HECTD4: variants seen among roughly 807,000 people sequenced by gnomAD.
HECTD4 encodes probable E3 ubiquitin-protein ligase HECTD4.
In HECTD4, 114 loss-of-function variants were observed where a neutral mutation model predicts 471.5. That is an observed-to-expected ratio of 0.24 (90% CI 0.21 to 0.28). HECTD4 has a LOEUF of 0.28. HECTD4 is among the 10% of genes least tolerant of loss of function. The probability of loss-of-function intolerance (pLI) is 1.00; values close to 1 mark genes in which losing one functional copy is unlikely to be tolerated. For missense variants in HECTD4, 3,866 were observed against 5,651.5 expected (o/e 0.68, Z 10.13); for synonymous variants, 2,012 against 2,256.0 (o/e 0.89, Z 3.07).
chr12:112,269,903 T>C, intron 12 of HECTD4, 54 bp from the exon 13 acceptor site: 1 of 1,492,732 alleles, frequency 6.7e-7, no homozygotes, highest in Non-Finnish European at 9.3e-7. Flanking sequence ...GGGGATAAAA[T>C]TATCTCTACA....
At chr12:112,301,355 TG>T (rs1343855912) in intron 7 of HECTD4, among the ~76,000 whole-genome samples, 1 of 151,810 alleles carries the variant, frequency 6.6e-6, no homozygotes, top group Non-Finnish European at 1.5e-5. Context: ...AGCTAATTTT[TG>T]TATTTTTAGT....
intron 48 of HECTD4, among the ~76,000 whole-genome samples, chr12:112,215,106 T>C (rs914019142): frequency 6.6e-6 from 1 of 151,968 alleles, no homozygotes; most frequent in East Asian, 1.9e-4. Flanking sequence ...TGAGTTGAGA[T>C]TGCACCACTG....
Position 112,179,016 on chromosome 12 carries a change from C to G in HECTD4, c.11278G>C (p.Glu3760Gln). 2 of 1,613,804 alleles carry G rather than the reference C, an allele frequency of 1.2e-6. No individual in the cohort carries two copies. The highest frequency in any genetic ancestry group is 8.5e-7 in the Non-Finnish European group (1 of 1,179,864). Residue 3760 changes from glutamate (E) to glutamine (Q), a missense_variant, in exon 64 of 76, where the codon GAG becomes CAG. Glu to Gln is a conservative substitution (Grantham distance 29, BLOSUM62 2). Coordinates refer to ENST00000682272, the MANE Select transcript of HECTD4 (RefSeq NM_001388303.1). This position sits in a 1 kb window ranked among gnomAD's most constrained non-coding sequence, Gnocchi z 4.3. ...CTCACCACCTTCACGGGGTGCTGCT[C>G]CTTCCCGGCCTTGCTGTACTTGCTC... ...DKSKYSKAGK[E>Q]QHPVKVVSTK...
At chr12:112,270,533 T>TA in intron 11 of HECTD4, 74 bp from the exon 12 acceptor site, 3 of 1,211,182 alleles carry the variant, frequency 2.5e-6, no homozygotes, top group East Asian at 2.3e-5. Flanking sequence ...ACCTTTGACT[T>TA]ACAAAAGGTG....
intron 1 of HECTD4, among the ~76,000 whole-genome samples, chr12:112,368,529 AG>A (rs1249731599): frequency 6.6e-6 from 1 of 152,236 alleles, no homozygotes; most frequent in Non-Finnish European, 1.5e-5. Context: ...AAGAAACAGC[AG>A]AAGACAATTA....
At chr12:112,353,290 A>G (rs1184662439) in intron 1 of HECTD4, among the ~76,000 whole-genome samples, 1 of 152,204 alleles carries the variant, frequency 6.6e-6, no homozygotes, top group Non-Finnish European at 1.5e-5. Flanking sequence ...ATTCTTTCTA[A>G]GTATCTTTCT....
intron 50 of HECTD4, 110 bp from the exon 51 acceptor site, chr12:112,208,740 C>T: frequency 1.1e-6 from 1 of 874,908 alleles, no homozygotes; most frequent in Non-Finnish European, 1.6e-6. Flanking sequence ...GATAGGAAGA[C>T]TCCTAGTACA....
chr12:112,179,419 A>G lies in HECTD4; in HGVS notation c.10988-22T>C, dbSNP rs1406375281. 6.3e-7 allele frequency: 1 copy of G among 1,587,938 alleles called. No individual in the cohort carries two copies. Among genetic ancestry groups the G allele is most frequent in the East Asian group, 2.3e-5 (1 of 44,382 alleles). ...TCCCCTGTTGGATGGAGAGGGGGCA[A>G]AACAATTCTGCCGTGAACATGCATC... is the stretch of plus-strand genomic sequence containing the variant. On this transcript the variant is annotated intron_variant, in intron 62 of 75. Coordinates refer to ENST00000682272, the MANE Select transcript of HECTD4 (RefSeq NM_001388303.1). This position sits in a 1 kb window ranked among gnomAD's most constrained non-coding sequence, Gnocchi z 4.3.
intron 1 of HECTD4, among the ~76,000 whole-genome samples, chr12:112,373,092 T>C (rs2135765104): frequency 6.6e-6 from 1 of 152,254 alleles, no homozygotes; most frequent in East Asian, 1.9e-4. Flanking sequence ...TATCCCACTC[T>C]TTTAGATGAT....
chr12:112,309,156 T>A (rs2035326795), intron 5 of HECTD4, among the ~76,000 whole-genome samples: 1 of 152,206 alleles, frequency 6.6e-6, no homozygotes, highest in African/African-American at 2.4e-5. Flanking sequence ...GTAGTTTCTT[T>A]TGGCAGCAGT....
rs2032835258 is a variant in HECTD4 at position 112,213,791 on chromosome 12, G to A, written c.7466-1141C>T. 6.6e-6 allele frequency among the ~76,000 whole-genome samples: 1 copy of A among 151,054 alleles called. No individual in the cohort carries two copies. On this transcript the variant is annotated intron_variant, in intron 48 of 75. Transcript: ENST00000682272. The surrounding 1 kb of genome is among the most constrained non-coding windows in gnomAD (Gnocchi z 4.0). ...AATCCCAGCATTTTGGGAGGCCAAGGTGGGAAGATTGCTTGAGCCCAGGAG... is the reference window on the plus strand; with the variant it reads ...AATCCCAGCATTTTGGGAGGCCAAGATGGGAAGATTGCTTGAGCCCAGGAG...
intron 60 of HECTD4, among the ~76,000 whole-genome samples, chr12:112,187,717 C>T (rs903342172): frequency 1.3e-5 from 2 of 150,136 alleles, no homozygotes; most frequent in African/African-American, 4.9e-5. Context: ...AGCTCCGCCT[C>T]CTGGGTTCAC....
At chr12:112,196,509 T>C (rs2032248984) in intron 55 of HECTD4, among the ~76,000 whole-genome samples, 1 of 152,158 alleles carries the variant, frequency 6.6e-6, no homozygotes, top group Admixed American at 6.5e-5. Context: ...AAGGACTGAA[T>C]GGGCAAGCTG....
chr12:112,279,497 G>A (rs2034590639), intron 8 of HECTD4, 111 bp from the exon 9 acceptor site: 2 of 885,224 alleles, frequency 2.3e-6, no homozygotes, highest in Non-Finnish European at 1.7e-6. Context: ...ACAAAGATTT[G>A]GAAAACAGAT....
Position 112,163,853 on chromosome 12 carries a change from G to T in HECTD4, c.12702-116C>A. 2.9e-6 allele frequency: 3 copies of T among 1,020,120 alleles called. No homozygotes were observed. Among genetic ancestry groups the T allele is most frequent in the Non-Finnish European group, 4.0e-6 (3 of 743,796 alleles). The allele number at this position is 1,020,120 out of a possible 1,614,324, so 63.2% of individuals were successfully genotyped here. A position where few individuals can be genotyped will look rare whatever the true frequency, so the allele number is the denominator to read the frequency against. On this transcript the variant is annotated intron_variant, in intron 73 of 75. Transcript: ENST00000682272. The surrounding 1 kb of genome is among the most constrained non-coding windows in gnomAD (Gnocchi z 8.2). Reference sequence around the variant, plus strand: ...TCTCTTGGGAGAGGCCTGGGGCCCAGCCGCCCTGGTCATCCCAGTCCTTTC... The same window carrying T: ...TCTCTTGGGAGAGGCCTGGGGCCCATCCGCCCTGGTCATCCCAGTCCTTTC...
chr12:112,210,600 C>T (rs1188390541), intron 49 of HECTD4, among the ~76,000 whole-genome samples: 2 of 152,248 alleles, frequency 1.3e-5, no homozygotes, highest in Non-Finnish European at 2.9e-5. Context: ...TTTTGTCCAA[C>T]TTTGCCTAGT....
At position 112,163,930 on chromosome 12, in the gene HECTD4, C is replaced by G. The variant is rs2030815399; in HGVS notation, c.12701+179G>C. Among the ~76,000 whole-genome samples, 1 of 152,188 alleles carries G rather than the reference C, an allele frequency of 6.6e-6. No homozygotes were observed. Among genetic ancestry groups the G allele is most frequent in the Non-Finnish European group, 1.5e-5 (1 of 68,020 alleles). ...CTGCTGTTTTCTTAGTAAACCCCTT[C>G]TGCTGAGGACCCTCTTTCTTGGCAC... On this transcript the variant is annotated intron_variant, in intron 73 of 75. Coordinates refer to ENST00000682272, the MANE Select transcript of HECTD4 (RefSeq NM_001388303.1). This position sits in a 1 kb window ranked among gnomAD's most constrained non-coding sequence, Gnocchi z 8.2.
intron 7 of HECTD4, among the ~76,000 whole-genome samples, chr12:112,295,842 CAT>C (rs1474661588): frequency 2.7e-5 from 4 of 150,748 alleles, no homozygotes; most frequent in African/African-American, 9.8e-5. Context: ...CACACACACA[CAT>C]AGTGATGTGG....
At chr12:112,247,965 C>A in intron 27 of HECTD4, 102 bp downstream of exon 27, 1 of 754,822 alleles carries the variant, frequency 1.3e-6, no homozygotes, top group Non-Finnish European at 2.0e-6. Flanking sequence ...TAGGAAATGA[C>A]ATTATTTTAC....
Sources: allele counts gnomAD v4.1 joint callset (sites outside exome capture counted in the v4.1 genomes callset), GRCh38; gene constraint gnomAD v4.1.1; non-coding constraint Gnocchi (gnomAD v3.1); transcripts MANE v1.5; gene names NCBI Gene and HGNC (gene_info 2026-07-23, HGNC 2026-07-21).